RUSC2: variants seen among roughly 807,000 people sequenced by gnomAD.
The protein encoded by RUSC2 is RUN and SH3 domain containing 2.
In RUSC2, 34 loss-of-function variants were observed where a neutral mutation model predicts 122.2. That is an observed-to-expected ratio of 0.28 (90% confidence interval 0.21 to 0.37). The LOEUF (loss-of-function observed/expected upper bound fraction) is 0.37. Among genes scored for constraint, RUSC2 ranks in the 10% least tolerant of loss-of-function variants. The probability of loss-of-function intolerance (pLI) is 1.00; values close to 1 mark genes in which losing one functional copy is unlikely to be tolerated. For missense variants in RUSC2, 1,747 were observed against 1,952.4 expected (o/e 0.89, Z 1.98); for synonymous variants, 784 against 790.0 (o/e 0.99, Z 0.13).
Position 35,561,193 on chromosome 9 carries a change from A to G in RUSC2, c.4362A>G (p.Ala1454=), listed in dbSNP as rs761353656. Residue 1454 remains alanine, a synonymous_variant, in exon 12 of 12, where the codon GCA becomes GCG. Coordinates refer to ENST00000361226, the MANE Select transcript of RUSC2 (RefSeq NM_014806.5). ...GCTGTTTCCCCAGTGAGGTGCAGGC[A>G]CTGTGCCACCACCTGGCCACCGGCC... ...LPSSPPCEVQ[A]LCHHLATGPG... 1.2e-6 allele frequency: 2 copies of G among 1,614,070 alleles called. No homozygotes were observed. The highest frequency in any genetic ancestry group is 4.5e-5 in the East Asian group (2 of 44,874).
At chr9:35,518,806 TTTC>T (rs1821156589) in intron 1 of RUSC2, among the ~76,000 whole-genome samples, 1 of 152,236 alleles carries the variant, frequency 6.6e-6, no homozygotes, top group African/African-American at 2.4e-5. Context: ...AAACAGGCTT[TTTC>T]TTTTTCTTTA....
chr9:35,555,840 T>A lies in RUSC2; in HGVS notation c.2657-112T>A. The A allele has an allele frequency of 6.8e-7, 1 of 1,473,086 alleles. No homozygotes were observed. The highest frequency in any genetic ancestry group is 9.2e-7 in the Non-Finnish European group (1 of 1,088,900). The allele number at this position is 1,473,086 out of a possible 1,614,324, so 91.3% of individuals were successfully genotyped here. A position where few individuals can be genotyped will look rare whatever the true frequency, so the allele number is the denominator to read the frequency against. On this transcript the variant is annotated intron_variant, in intron 3 of 11. Transcript: ENST00000361226. This position sits in a 1 kb window ranked among gnomAD's most constrained non-coding sequence, Gnocchi z 4.6. ...GCATCCCTCCCTCAGCATCTGTAGA[T>A]AATATCCACAGATAATCTAGTGTTT...
At chr9:35,540,411 G>T (rs1821619062) in intron 1 of RUSC2, among the ~76,000 whole-genome samples, 1 of 152,114 alleles carries the variant, frequency 6.6e-6, no homozygotes, top group African/African-American at 2.4e-5. Context: ...TAACCACCTT[G>T]GTAGAGGGTT....
In RUSC2 at chr9:35,546,276, CACCT is replaced by C. The variant is rs1821742842; in HGVS notation, c.-92-153_-92-150del. ...AATGCAGAAAGCATGGTTACGTCCCCACCTGCCTATTGGGCTGTGTGGTCAAGCT... is the reference window on the plus strand; with the variant it reads ...AATGCAGAAAGCATGGTTACGTCCCCGCCTATTGGGCTGTGTGGTCAAGCT... On this transcript the variant is annotated intron_variant, in intron 1 of 11. Transcript: ENST00000361226. This position sits in a 1 kb window ranked among gnomAD's most constrained non-coding sequence, Gnocchi z 4.3. 2.0e-5 allele frequency among the ~76,000 whole-genome samples: 3 copies of C among 152,176 alleles called. No individual in the cohort carries two copies. The highest frequency in any genetic ancestry group is 2.9e-5 in the Non-Finnish European group (2 of 68,026).
Position 35,560,767 on chromosome 9 carries a change from C to T in RUSC2, c.4127C>T (p.Ala1376Val). Reference protein sequence around the residue: ...AASPAENEEGASEPSPGGIKW... With the variant: ...AASPAENEEGVSEPSPGGIKW... ...TCGCCAGCAGAAAATGAGGAAGGGG[C>T]CTCAGAGCCTTCACCTGGAGGCATC... Residue 1376 changes from alanine (A) to valine (V), a missense_variant, in exon 10 of 12, where the codon GCC becomes GTC. Coordinates refer to ENST00000361226, the MANE Select transcript of RUSC2 (RefSeq NM_014806.5). 2 of 1,537,356 alleles carry T rather than the reference C, an allele frequency of 1.3e-6. No homozygotes were observed. The highest frequency in any genetic ancestry group is 1.7e-6 in the Non-Finnish European group (2 of 1,144,980).
intron 1 of RUSC2, among the ~76,000 whole-genome samples, chr9:35,522,760 G>A (rs1218579212): frequency 3.0e-4 from 45 of 152,184 alleles, no homozygotes; most frequent in Admixed American, 2.7e-3. Context: ...TATGGTTTGA[G>A]CATTTCTGAC....
chr9:35,516,257 G>A (rs1028022209), intron 1 of RUSC2, among the ~76,000 whole-genome samples: 4 of 151,924 alleles, frequency 2.6e-5, no homozygotes, highest in Non-Finnish European at 2.9e-5. Flanking sequence ...TTGTGATGGT[G>A]CCCAGATTAA....
intron 1 of RUSC2, among the ~76,000 whole-genome samples, chr9:35,513,439 C>T (rs1001334881): frequency 1.3e-5 from 2 of 151,740 alleles, no homozygotes; most frequent in South Asian, 2.1e-4. Context: ...GATGGGGTTT[C>T]GCCATGTTGG....
chr9:35,538,222 A>C (rs1481505541), intron 1 of RUSC2, among the ~76,000 whole-genome samples: 1 of 152,080 alleles, frequency 6.6e-6, no homozygotes, highest in Non-Finnish European at 1.5e-5. Flanking sequence ...CAGCGAGTAG[A>C]CCTCTGAAGA....
intron 1 of RUSC2, among the ~76,000 whole-genome samples, chr9:35,534,976 GT>G (rs928299822): frequency 2.7e-4 from 40 of 145,464 alleles, no homozygotes; most frequent in East Asian, 8.0e-4. Flanking sequence ...GTCAGTTTAT[GT>G]TTTTTTTTTT....
rs569291035 is a variant in RUSC2 at position 35,537,827 on chromosome 9, G to C, written c.-92-8603G>C. On this transcript the variant is annotated intron_variant, in intron 1 of 11. Transcript: ENST00000361226. ...GGCTAGTGTTTGGGGACCAAGCCCTGCTTAAGACTATCTCTGTGTTCAAGC... is the reference window on the plus strand; with the variant it reads ...GGCTAGTGTTTGGGGACCAAGCCCTCCTTAAGACTATCTCTGTGTTCAAGC... 2.0e-5 allele frequency among the ~76,000 whole-genome samples: 3 copies of C among 152,314 alleles called. No homozygotes were observed. The East Asian group carries it at 5.8e-4, about 29-fold the overall frequency.
intron 1 of RUSC2, among the ~76,000 whole-genome samples, chr9:35,499,178 T>C (rs1423390090): frequency 2.6e-5 from 4 of 152,018 alleles, no homozygotes; most frequent in Admixed American, 2.0e-4. Flanking sequence ...TCCCAGCTAC[T>C]TGGGAGGCTG....
intron 1 of RUSC2, among the ~76,000 whole-genome samples, chr9:35,496,505 C>A (rs1481331558): frequency 1.3e-5 from 2 of 152,212 alleles, no homozygotes; most frequent in African/African-American, 4.8e-5. Flanking sequence ...TCTGCCCCTC[C>A]TGCTGAAGGT....
At chr9:35,541,902 T>G (rs563080620) in intron 1 of RUSC2, among the ~76,000 whole-genome samples, 3 of 148,844 alleles carry the variant, frequency 2.0e-5, no homozygotes, top group Middle Eastern at 3.6e-3. Flanking sequence ...ATATATAAAA[T>G]TTTTTTAAAT....
chr9:35,555,277 A>G lies in RUSC2; in HGVS notation c.2232A>G (p.Pro744=), dbSNP rs1821987019. The G allele has an allele frequency of 6.2e-7, 1 of 1,613,454 alleles. No individual in the cohort carries two copies. Among genetic ancestry groups the G allele is most frequent in the Non-Finnish European group, 8.5e-7 (1 of 1,179,994 alleles). The part of the protein sequence containing the change: ...LAAPAAQVSV[P]APSGEPQAST... ...CCCCTGCTGCTCAAGTCTCAGTCCC[A>G]GCTCCCTCAGGGGAACCGCAGGCAT... Residue 744 remains proline (P), a synonymous_variant, in exon 3 of 12, where the codon CCA becomes CCG. Coordinates refer to ENST00000361226, the MANE Select transcript of RUSC2 (RefSeq NM_014806.5). The surrounding 1 kb of genome is among the most constrained non-coding windows in gnomAD (Gnocchi z 4.6).
At chr9:35,526,909 ATC>A (rs1348079698) in intron 1 of RUSC2, among the ~76,000 whole-genome samples, 1 of 152,188 alleles carries the variant, frequency 6.6e-6, no homozygotes, top group Non-Finnish European at 1.5e-5. Flanking sequence ...CTGAAATATT[ATC>A]TGTCATTATC....
chr9:35,512,741 G>A (rs779294436), intron 1 of RUSC2, among the ~76,000 whole-genome samples: 11 of 151,530 alleles, frequency 7.3e-5, no homozygotes, highest in African/African-American at 1.2e-4. Flanking sequence ...TCCTCCTCCC[G>A]TCCCTCTTTT....
chr9:35,539,650 G>A (rs889348112), intron 1 of RUSC2, among the ~76,000 whole-genome samples: 1 of 152,182 alleles, frequency 6.6e-6, no homozygotes, highest in Non-Finnish European at 1.5e-5. Flanking sequence ...GGAGCCACCA[G>A]GCTCCAGGTA....
At position 35,548,599 on chromosome 9, in the gene RUSC2, C is replaced by T; in HGVS notation, c.2014+64C>T. The T allele has an allele frequency of 2.7e-6, 4 of 1,494,298 alleles. No homozygotes were observed. Among genetic ancestry groups the T allele is most frequent in the Non-Finnish European group, 3.5e-6 (4 of 1,128,648 alleles). The allele number at this position is 1,494,298 out of a possible 1,614,324, so 92.6% of individuals were successfully genotyped here. A position where few individuals can be genotyped will look rare whatever the true frequency, so the allele number is the denominator to read the frequency against. ...CCAGCAGGATATGCATGGCCACCTC[C>T]CTGACAGGTCCCTGCCAGACCACCC... On this transcript the variant is annotated intron_variant, in intron 2 of 11. Coordinates refer to ENST00000361226, the MANE Select transcript of RUSC2 (RefSeq NM_014806.5). The surrounding 1 kb of genome is among the most constrained non-coding windows in gnomAD (Gnocchi z 4.5).
Sources: allele counts gnomAD v4.1 joint callset (sites outside exome capture counted in the v4.1 genomes callset), GRCh38; gene constraint gnomAD v4.1.1; non-coding constraint Gnocchi (gnomAD v3.1); transcripts MANE v1.5; gene names NCBI Gene and HGNC (gene_info 2026-07-23, HGNC 2026-07-21).